Variants in SDK2 observed in about 807,000 individuals in gnomAD.
SDK2 encodes the protein protein sidekick-2.
A neutral mutation model predicts 253.9 loss-of-function variants in SDK2; 105 were observed. That is an observed-to-expected ratio of 0.41 (90% CI 0.35 to 0.49). The LOEUF is 0.49. SDK2 is among the 20% of genes least tolerant of loss of function. SDK2 has a pLI of 0.06. For synonymous variants in SDK2, 1,249 were observed against 1,234.9 expected (o/e 1.01, Z -0.24); for missense variants, 2,608 against 3,003.0 (o/e 0.87, Z 3.07).
chr17:73,561,641 T>C (rs2045235944), intron 1 of SDK2, among the ~76,000 whole-genome samples: 1 of 152,218 alleles, frequency 6.6e-6, no homozygotes, highest in Non-Finnish European at 1.5e-5. Flanking sequence ...CTCCAATGGC[T>C]ACACGCCTAG....
intron 1 of SDK2, among the ~76,000 whole-genome samples, chr17:73,553,580 G>T (rs1010295786): frequency 5.3e-5 from 8 of 152,230 alleles, no homozygotes; most frequent in East Asian, 3.9e-4. Context: ...GACAGGGGGG[G>T]ACAGAGAGGT....
rs1418921763 is a variant in SDK2 at position 73,644,106 on chromosome 17, G to A, written c.-18C>T. The stretch of plus-strand genomic sequence containing the variant: ...CCCCACATGGTGACCAGCCTGGAGA[G>A]GGGTCCTCGGGGTCTCCCTTCCCTC... On this transcript the variant is annotated 5_prime_UTR_variant, in exon 1 of 45. Transcript: ENST00000392650. This position sits in a 1 kb window ranked among gnomAD's most constrained non-coding sequence, Gnocchi z 6.3. 6.5e-7 allele frequency: 1 copy of A among 1,544,280 alleles called. No homozygotes were observed. Among genetic ancestry groups the A allele is most frequent in the Non-Finnish European group, 8.8e-7 (1 of 1,140,600 alleles).
intron 1 of SDK2, among the ~76,000 whole-genome samples, chr17:73,508,555 A>C (rs947115087): frequency 6.6e-6 from 1 of 152,222 alleles, no homozygotes; most frequent in Non-Finnish European, 1.5e-5. Flanking sequence ...ATCTGGTAAC[A>C]ATATCCACAA....
At chr17:73,478,697 C>T (rs1172432201) in intron 2 of SDK2, among the ~76,000 whole-genome samples, 1 of 152,360 alleles carries the variant, frequency 6.6e-6, no homozygotes, top group Non-Finnish European at 1.5e-5. Flanking sequence ...TGAGGAAACA[C>T]ACAATGCCCT....
At chr17:73,533,213 C>T (rs189160912) in intron 1 of SDK2, among the ~76,000 whole-genome samples, 1 of 152,348 alleles carries the variant, frequency 6.6e-6, no homozygotes, top group East Asian at 1.9e-4. Flanking sequence ...ATGTGCCAGT[C>T]ACTGCCTCCT....
rs1044776076 is a variant in SDK2, at chr17:73,395,522, C to T, written c.3355-130G>A. The T allele has an allele frequency of 3.0e-6, 2 of 665,316 alleles. No homozygotes were observed. Among genetic ancestry groups the T allele is most frequent in the Admixed American group, 5.1e-5 (2 of 39,104 alleles). The allele number at this position is 665,316 out of a possible 1,614,324, so 41.2% of individuals were successfully genotyped here. On this transcript the variant is annotated intron_variant, in intron 24 of 44. Transcript: ENST00000392650. This position sits in a 1 kb window ranked among gnomAD's most constrained non-coding sequence, Gnocchi z 4.3. ...CATCCCACTGTCACCCGGTCAGTGT[C>T]CACATGAGGCTCTCTCACCCGAGTG...
At chr17:73,555,842 C>G (rs1300170149) in intron 1 of SDK2, among the ~76,000 whole-genome samples, 1 of 152,226 alleles carries the variant, frequency 6.6e-6, no homozygotes. Context: ...GCTGCAGACT[C>G]CAAACACCTG....
At chr17:73,632,906 T>C (rs535868144) in intron 1 of SDK2, among the ~76,000 whole-genome samples, 1 of 152,322 alleles carries the variant, frequency 6.6e-6, no homozygotes, top group East Asian at 1.9e-4. Flanking sequence ...TCCAGCAGCA[T>C]CAACCAGCTT....
chr17:73,550,049 A>T (rs1432863665), intron 1 of SDK2, among the ~76,000 whole-genome samples: 1 of 152,100 alleles, frequency 6.6e-6, no homozygotes, highest in Non-Finnish European at 1.5e-5. Context: ...TCCCGGGGGC[A>T]CTGAGCCCCG....
At chr17:73,462,959 C>A (rs915463034) in intron 3 of SDK2, among the ~76,000 whole-genome samples, 1 of 152,202 alleles carries the variant, frequency 6.6e-6, no homozygotes, top group African/African-American at 2.4e-5. Flanking sequence ...GCCCCACCCA[C>A]ACAGCCATGT....
chr17:73,357,324 C>T lies in SDK2; in HGVS notation c.5593+755G>A, dbSNP rs1383387006. On this transcript the variant is annotated intron_variant, in intron 40 of 44. Transcript: ENST00000392650. ...AGCTACCGAGATGCCTGGTGGCGTCCCATTATGATTGTTATTTGCTATTTG... is the reference window on the plus strand; with the variant it reads ...AGCTACCGAGATGCCTGGTGGCGTCTCATTATGATTGTTATTTGCTATTTG... 2.0e-5 allele frequency: 3 copies of T among 152,582 alleles called. No individual in the cohort carries two copies. In the East Asian group the frequency reaches 5.8e-4, roughly 29 times the overall value. 9.5% of individuals were successfully genotyped at this position (152,582 alleles called of 1,614,324 possible). A position where few individuals can be genotyped will look rare whatever the true frequency, so the allele number is the denominator to read the frequency against.
intron 18 of SDK2, among the ~76,000 whole-genome samples, chr17:73,406,811 G>A (rs1009439628): frequency 6.6e-6 from 1 of 152,204 alleles, no homozygotes; most frequent in African/African-American, 2.4e-5. Flanking sequence ...AGAGAGAAAT[G>A]ACTTCAAAAG....
intron 1 of SDK2, among the ~76,000 whole-genome samples, chr17:73,556,053 G>GGGGCTT (rs1194451297): frequency 6.6e-6 from 1 of 152,120 alleles, no homozygotes; most frequent in Non-Finnish European, 1.5e-5. Context: ...CACTGTCCAT[G>GGGGCTT]GGGCTTGGGC....
In SDK2 at chr17:73,379,511, C is replaced by T. The variant is rs778660343; in HGVS notation, c.4801G>A (p.Val1601Met). Residue 1601 changes from valine to methionine, a missense_variant, in exon 35 of 45, where the codon GTG (valine) becomes ATG (methionine). Val to Met is a conservative substitution (Grantham distance 21). Transcript: ENST00000392650. The surrounding 1 kb of genome is among the most constrained non-coding windows in gnomAD (Gnocchi z 4.5). ...GGCCCCTCACCCACAGCGTTGTACA[C>T]GCTCATCCGTATCTCGTACCGCCTG... ...KHRRYEIRMS[V>M]YNAVGEGPSS... The T allele has an allele frequency of 8.7e-6, 14 of 1,612,590 alleles. No homozygotes were observed. The highest frequency in any genetic ancestry group is 6.7e-5 in the East Asian group (3 of 44,844).
intron 16 of SDK2, among the ~76,000 whole-genome samples, chr17:73,417,484 C>G (rs1486386208): frequency 2.0e-5 from 3 of 151,902 alleles, no homozygotes; most frequent in Admixed American, 6.6e-5. Flanking sequence ...CCACACTGTT[C>G]AAGGGTCAAC....
At chr17:73,362,584 T>G (rs902145738) in intron 38 of SDK2, among the ~76,000 whole-genome samples, 10 of 151,936 alleles carry the variant, frequency 6.6e-5, no homozygotes, top group African/African-American at 2.4e-4. Flanking sequence ...AGAGACAGGG[T>G]CTCATTATGT....
rs72207708 is a variant in SDK2, at chr17:73,595,201, T to TGAG, written c.64+48821_64+48823dup. Among the ~76,000 whole-genome samples the TGAG allele has an allele frequency of 1.3e-4, 19 of 149,960 alleles. No individual in the cohort carries two copies. In the East Asian group the frequency reaches 1.6e-3, roughly 12 times the overall value. On this transcript the variant is annotated intron_variant, in intron 1 of 44. Coordinates refer to ENST00000392650, the MANE Select transcript of SDK2 (RefSeq NM_001144952.2). ...GTGAGAATTCGAGTGTGGGTGAAGG[T>TGAG]GAGGAGGAGGAGGAGGAGGAGGGAG...
chr17:73,620,469 G>A (rs563842989), intron 1 of SDK2, among the ~76,000 whole-genome samples: 13 of 152,136 alleles, frequency 8.5e-5, no homozygotes, highest in East Asian at 3.9e-4. Flanking sequence ...TAGTTTGTTC[G>A]TTCCTCAAAA....
chr17:73,608,860 T>A (rs762499024), intron 1 of SDK2, among the ~76,000 whole-genome samples: 1 of 152,174 alleles, frequency 6.6e-6, no homozygotes, highest in Non-Finnish European at 1.5e-5. Context: ...CTGTCTATTG[T>A]GAGGAGGTGA....
Sources: allele counts gnomAD v4.1 joint callset (sites outside exome capture counted in the v4.1 genomes callset), GRCh38; gene constraint gnomAD v4.1.1; non-coding constraint Gnocchi (gnomAD v3.1); transcripts MANE v1.5; gene names NCBI Gene and HGNC (gene_info 2026-07-23, HGNC 2026-07-21).